ZKSCAN4: variants seen among roughly 807,000 people sequenced by gnomAD.
ZKSCAN4 encodes zinc finger protein with KRAB and SCAN domains 4.
Under a neutral mutation model 30.8 loss-of-function variants are expected in ZKSCAN4, and 23 were observed. That is an observed-to-expected ratio of 0.75 (90% CI 0.54 to 1.06). The LOEUF (loss-of-function observed/expected upper bound fraction) is 1.06, where lower values mean the gene tolerates loss of function less well. Among genes scored for constraint, ZKSCAN4 ranks in the 50% least tolerant of loss-of-function variants. The pLI, the probability that ZKSCAN4 is intolerant of heterozygous loss-of-function variation, is 0.00. For synonymous variants in ZKSCAN4, 208 were observed against 252.5 expected (o/e 0.82, Z 1.67); for missense variants, 556 against 665.4 (o/e 0.84, Z 1.81).
At chr6:28,250,006 G>A (rs765452320) in intron 1 of ZKSCAN4, among the ~76,000 whole-genome samples, 172 bp from the exon 2 acceptor site, 3 of 151,774 alleles carry the variant, frequency 2.0e-5, no homozygotes, top group Middle Eastern at 3.5e-3. Flanking sequence ...TGCTGAAAAC[G>A]GAGATGTGGC....
At position 28,244,881 on chromosome 6, in the gene ZKSCAN4, A is replaced by T; in HGVS notation, c.*235T>A. 2 of 579,874 alleles carry T rather than the reference A, an allele frequency of 3.4e-6. No individual in the cohort carries two copies. The highest frequency in any genetic ancestry group is 6.1e-6 in the Non-Finnish European group (2 of 326,182). 35.9% of individuals were successfully genotyped at this position (579,874 alleles called of 1,614,324 possible). Reference sequence around the variant, plus strand: ...ACACTGGGTGAGAACAAACTATTTTAGGTCCTACAACTTCCAGACCACTCT... The same window carrying T: ...ACACTGGGTGAGAACAAACTATTTTTGGTCCTACAACTTCCAGACCACTCT... On this transcript the variant is annotated 3_prime_UTR_variant, in exon 5 of 5. Coordinates refer to ENST00000377294, the MANE Select transcript of ZKSCAN4 (RefSeq NM_019110.5).
rs1423200693 is a variant in ZKSCAN4 at position 28,245,940 on chromosome 6, G to A, written c.814C>T (p.Pro272Ser). The A allele has an allele frequency of 1.9e-6, 3 of 1,614,142 alleles. No individual in the cohort carries two copies. Among genetic ancestry groups the A allele is most frequent in the Non-Finnish European group, 1.7e-6 (2 of 1,180,024 alleles). The change falls in exon 5 of 5, where the codon CCA (proline) becomes TCA (serine). Residue 272 changes from proline (P) to serine (S), a missense_variant. Transcript: ENST00000377294. Reference protein sequence around the residue: ...EIQTKSRDLPPVKKLPEKEHG... With the variant: ...EIQTKSRDLPSVKKLPEKEHG... ...TCCTTTTCTGGAAGCTTCTTGACTG[G>A]AGGCAAGTCCCTGCTCTTAGTCTGT...
In ZKSCAN4 at chr6:28,244,913, G is replaced by T; in HGVS notation, c.*203C>A. The T allele has an allele frequency of 1.4e-6, 1 of 711,212 alleles. No homozygotes were observed. The allele number at this position is 711,212 out of a possible 1,614,324, so 44.1% of individuals were successfully genotyped here. A position where few individuals can be genotyped will look rare whatever the true frequency, so the allele number is the denominator to read the frequency against. On this transcript the variant is annotated 3_prime_UTR_variant, in exon 5 of 5. Transcript: ENST00000377294. ...ACAACTTCCAGACCACTCTCCCATG[G>T]CCTCTTATCAAATGACTTCTTCCAA...
In ZKSCAN4 at chr6:28,251,657, A is replaced by G; in HGVS notation, c.324T>C (p.Asn108=). Residue 108 remains asparagine, a synonymous_variant, in exon 1 of 5, where the codon AAT becomes AAC. Transcript: ENST00000377294. This position sits in a 1 kb window ranked among gnomAD's most constrained non-coding sequence, Gnocchi z 4.5. The part of the protein sequence containing the change: ...LEQFLTILPG[N]LQSWVREQHP... ...GCTGCTCCCGCACCCAGCTCTGCAGATTCCCCGGCAGGATGGTCAGGAACT... is the reference window on the plus strand; with the variant it reads ...GCTGCTCCCGCACCCAGCTCTGCAGGTTCCCCGGCAGGATGGTCAGGAACT... 6.2e-7 allele frequency: 1 copy of G among 1,614,128 alleles called. No homozygotes were observed. The highest frequency in any genetic ancestry group is 8.5e-7 in the Non-Finnish European group (1 of 1,180,012).
chr6:28,248,235 G>T, intron 2 of ZKSCAN4, 86 bp from the exon 3 acceptor site: 1 of 944,158 alleles, frequency 1.1e-6, no homozygotes, highest in Non-Finnish European at 1.6e-6. Context: ...AACTGGGGCA[G>T]TAAGTTCTTG....
chr6:28,254,909 T>G (rs561170851), upstream of ZKSCAN4, among the ~76,000 whole-genome samples: 38 of 152,380 alleles, frequency 2.5e-4, no homozygotes, highest in South Asian at 7.0e-3. Context: ...TGTATGGCAC[T>G]TCTGATAATT....
upstream of ZKSCAN4, among the ~76,000 whole-genome samples, chr6:28,253,724 C>A (rs1472839372): frequency 6.6e-6 from 1 of 152,110 alleles, no homozygotes. This position sits in a 1 kb window ranked among gnomAD's most constrained non-coding sequence, Gnocchi z 4.2. Flanking sequence ...GTTTGTTTTG[C>A]GACAGAGTCT....
At chr6:28,253,667 G>A (rs1035575346), upstream of ZKSCAN4, among the ~76,000 whole-genome samples, 1 of 152,210 alleles carries the variant, frequency 6.6e-6, no homozygotes, top group African/African-American at 2.4e-5. The surrounding 1 kb of genome is among the most constrained non-coding windows in gnomAD (Gnocchi z 4.2). Context: ...AAATCAGAAT[G>A]TCACAGGATG....
Position 28,244,820 on chromosome 6 carries a change from T to A in ZKSCAN4, c.*296A>T, listed in dbSNP as rs1370272746. ...CAACCAGATGTCCTAAAGTGCTGGCTGAGGGCAATTAACAAGTCCAGAAGG... is the reference window on the plus strand; with the variant it reads ...CAACCAGATGTCCTAAAGTGCTGGCAGAGGGCAATTAACAAGTCCAGAAGG... On this transcript the variant is annotated 3_prime_UTR_variant, in exon 5 of 5. Coordinates refer to ENST00000377294, the MANE Select transcript of ZKSCAN4 (RefSeq NM_019110.5). 1 of 422,638 alleles carries A rather than the reference T, an allele frequency of 2.4e-6. No homozygotes were observed. Among genetic ancestry groups the A allele is most frequent in the Non-Finnish European group, 4.4e-6 (1 of 226,200 alleles). The allele number at this position is 422,638 out of a possible 1,614,324, so 26.2% of individuals were successfully genotyped here. A position where few individuals can be genotyped will look rare whatever the true frequency, so the allele number is the denominator to read the frequency against.
chr6:28,257,454 A>G, the ZKSCAN4 span, among the ~76,000 whole-genome samples: 1 of 152,176 alleles, frequency 6.6e-6, no homozygotes, highest in South Asian at 2.1e-4. Flanking sequence ...TAAAACCTAG[A>G]TGATGGGTTG....
Position 28,252,008 on chromosome 6 carries a change from A to G in ZKSCAN4, c.-28T>C. The G allele has an allele frequency of 1.3e-6, 2 of 1,509,366 alleles. No homozygotes were observed. The highest frequency in any genetic ancestry group is 1.8e-6 in the Non-Finnish European group (2 of 1,131,410). 93.5% of individuals were successfully genotyped at this position (1,509,366 alleles called of 1,614,324 possible). The stretch of plus-strand genomic sequence containing the variant: ...TGACCCAAGGCAGTACTCGGGTCTC[A>G]CTCTAGTTGCGACCTGTATATCTTC... On this transcript the variant is annotated 5_prime_UTR_variant, in exon 1 of 5. An upstream open reading frame in the 5' UTR loses its in-frame stop. Transcript: ENST00000377294.
rs1376570950 is a variant in ZKSCAN4, at chr6:28,242,096, G to C, written c.*3020C>G. The stretch of plus-strand genomic sequence containing the variant: ...AAAGAAAATAGAAGATTTCTGCGCT[G>C]CTTCAGTTACAGAAATGAAATAGAA... On this transcript the variant is annotated 3_prime_UTR_variant, in exon 5 of 5. Coordinates refer to ENST00000377294, the MANE Select transcript of ZKSCAN4 (RefSeq NM_019110.5). Among the ~76,000 whole-genome samples, 3 of 152,146 alleles carry C rather than the reference G, an allele frequency of 2.0e-5. No homozygotes were observed. The highest frequency in any genetic ancestry group is 4.4e-5 in the Non-Finnish European group (3 of 68,006).
At position 28,251,652 on chromosome 6, in the gene ZKSCAN4, T is replaced by G. The variant is rs771365938; in HGVS notation, c.329A>C (p.Gln110Pro). 1 of 1,614,208 alleles carries G rather than the reference T, an allele frequency of 6.2e-7. No individual in the cohort carries two copies. Among genetic ancestry groups the G allele is most frequent in the Non-Finnish European group, 8.5e-7 (1 of 1,180,028 alleles). ...QFLTILPGNLQSWVREQHPES... is the reference protein window; with the variant it reads ...QFLTILPGNLPSWVREQHPES... ...TGGATGCTGCTCCCGCACCCAGCTC[T>G]GCAGATTCCCCGGCAGGATGGTCAG... The change falls in exon 1 of 5, where the codon CAG becomes CCG. Residue 110 changes from glutamine (Q) to proline (P), a missense_variant. Physicochemically the swap from Gln to Pro is moderately conservative, Grantham distance 76. Around this residue, in one of 3 missense-constraint regions of ZKSCAN4, gnomAD observed 8 missense variants for 28.0 expected, o/e 0.29. Coordinates refer to ENST00000377294, the MANE Select transcript of ZKSCAN4 (RefSeq NM_019110.5). The surrounding 1 kb of genome is among the most constrained non-coding windows in gnomAD (Gnocchi z 4.5).
rs535965244 is a variant in ZKSCAN4, at chr6:28,252,197, A to G, written c.-217T>C. On this transcript the variant is annotated 5_prime_UTR_variant, in exon 1 of 5. Transcript: ENST00000377294. Reference sequence around the variant, plus strand: ...CTCTGCACCCCACTCTGAATCCCACAGTAAGTATCACCAAAGGATGTCTTT... The same window carrying G: ...CTCTGCACCCCACTCTGAATCCCACGGTAAGTATCACCAAAGGATGTCTTT... 1.6e-4 allele frequency: 68 copies of G among 414,956 alleles called. No individual in the cohort carries two copies. The highest frequency in any genetic ancestry group is 1.3e-3 in the African/African-American group (66 of 49,170). The allele number at this position is 414,956 out of a possible 1,614,324, so 25.7% of individuals were successfully genotyped here. A position where few individuals can be genotyped will look rare whatever the true frequency, so the allele number is the denominator to read the frequency against.
At chr6:28,255,306 T>C (rs1178565187), upstream of ZKSCAN4, among the ~76,000 whole-genome samples, 1 of 152,214 alleles carries the variant, frequency 6.6e-6, no homozygotes, top group Non-Finnish European at 1.5e-5. Flanking sequence ...TGAGGTCCTA[T>C]TGCTGCTTTT....
At chr6:28,256,834 T>C (rs748793618), upstream of ZKSCAN4, among the ~76,000 whole-genome samples, 35 of 152,260 alleles carry the variant, frequency 2.3e-4, no homozygotes, top group Non-Finnish European at 1.5e-5. Flanking sequence ...GCCTGTTTTT[T>C]AATGGTCTGA....
At position 28,245,476 on chromosome 6, in the gene ZKSCAN4, A is replaced by G. The variant is rs755249074; in HGVS notation, c.1278T>C (p.His426=). ...SCSLLEHHKI[H]TGEKPYQCNM... ...TGCACTGGTATGGCTTCTCCCCAGT[A>G]TGAATTTTGTGATGTTCAAGGAGGC... Residue 426 remains histidine (H), a synonymous_variant, in exon 5 of 5, where the codon CAT becomes CAC. Transcript: ENST00000377294. 1.1e-5 allele frequency: 18 copies of G among 1,614,082 alleles called. No homozygotes were observed. Among genetic ancestry groups the G allele is most frequent in the African/African-American group, 1.3e-5 (1 of 74,918 alleles).
rs1014311036 is a variant in ZKSCAN4, at chr6:28,242,543, C to T, written c.*2573G>A. 6.6e-6 allele frequency among the ~76,000 whole-genome samples: 1 copy of T among 152,208 alleles called. No individual in the cohort carries two copies. Among genetic ancestry groups the T allele is most frequent in the African/African-American group, 2.4e-5 (1 of 41,450 alleles). On this transcript the variant is annotated 3_prime_UTR_variant, in exon 5 of 5. Coordinates refer to ENST00000377294, the MANE Select transcript of ZKSCAN4 (RefSeq NM_019110.5). ...TCTCTTAAAATTTGCTTTATTTACT[C>T]AATTGGACAAAGTTGTTGTGAGTCC...
chr6:28,244,986 A>C lies in ZKSCAN4; in HGVS notation c.*130T>G, dbSNP rs535880099. On this transcript the variant is annotated 3_prime_UTR_variant, in exon 5 of 5. Transcript: ENST00000377294. ...TAACTCATCGTCTCAGCCAGACTACATTTTCTAATACCCGATGATGTATAG... is the reference window on the plus strand; with the variant it reads ...TAACTCATCGTCTCAGCCAGACTACCTTTTCTAATACCCGATGATGTATAG... 8.4e-7 allele frequency: 1 copy of C among 1,190,082 alleles called. No individual in the cohort carries two copies. Among genetic ancestry groups the C allele is most frequent in the South Asian group, 1.2e-5 (1 of 81,550 alleles). The allele number at this position is 1,190,082 out of a possible 1,614,324, so 73.7% of individuals were successfully genotyped here.
Sources: gnomAD v4.1 joint callset for allele counts (sites outside exome capture counted in the v4.1 genomes callset) on GRCh38, gnomAD v4.1.1 for gene constraint, gnomAD v4.1.1 regional missense constraint, Gnocchi (gnomAD v3.1) non-coding constraint, MANE v1.5 for transcripts, NCBI Gene and HGNC (gene_info 2026-07-23, HGNC 2026-07-21) for gene names.